CTIF: variants seen among roughly 807,000 people sequenced by gnomAD.
CTIF encodes the protein CBP80/20-dependent translation initiation factor.
A neutral mutation model predicts 66.0 loss-of-function variants in CTIF; 21 were observed. The ratio of observed to expected loss-of-function variants is 0.32; its 90% CI spans 0.23 to 0.46. CTIF has a LOEUF of 0.46. CTIF is among the 20% of genes least tolerant of loss of function. The probability of loss-of-function intolerance (pLI) is 1.00; values close to 1 mark genes in which losing one functional copy is unlikely to be tolerated. For missense variants in CTIF, 739 were observed against 812.7 expected (o/e 0.91, Z 1.10); for synonymous variants, 345 against 326.4 (o/e 1.06, Z -0.62).
At chr18:48,735,096 CGTGT>C (rs34150644) in intron 7 of CTIF, among the ~76,000 whole-genome samples, 3 of 149,822 alleles carry the variant, frequency 2.0e-5, no homozygotes, top group East Asian at 2.0e-4. Context: ...AGTTTGTGTG[CGTGT>C]GTGTGTGTGT....
At chr18:48,736,366 C>T (rs879090624) in intron 7 of CTIF, among the ~76,000 whole-genome samples, 1 of 152,190 alleles carries the variant, frequency 6.6e-6, no homozygotes, top group Non-Finnish European at 1.5e-5. Flanking sequence ...ACCACCATGT[C>T]TCTGGGGTTT....
chr18:48,797,829 CTCCAGATG>C (rs1347270383), intron 9 of CTIF, among the ~76,000 whole-genome samples: 1 of 148,126 alleles, frequency 6.8e-6, no homozygotes, highest in East Asian at 1.9e-4. Context: ...CTAACCTATT[CTCCAGATG>C]CAGCTCAGCA....
intron 9 of CTIF, among the ~76,000 whole-genome samples, chr18:48,812,572 C>A (rs528013989): frequency 6.6e-6 from 1 of 152,046 alleles, no homozygotes; most frequent in Non-Finnish European, 1.5e-5. Flanking sequence ...GCGGGGGCAA[C>A]GTAGACCTTG....
At chr18:48,633,935 G>A (rs560909044) in intron 2 of CTIF, among the ~76,000 whole-genome samples, 102 of 152,174 alleles carry the variant, frequency 6.7e-4, no homozygotes, top group South Asian at 2.3e-3. Context: ...TCAGAAGCAG[G>A]AAATTAACAT....
chr18:48,753,145 C>G (rs964865606), intron 7 of CTIF, among the ~76,000 whole-genome samples: 1 of 152,190 alleles, frequency 6.6e-6, no homozygotes, highest in African/African-American at 2.4e-5. Context: ...GTGGAGGTGC[C>G]TACGCTGGTA....
chr18:48,751,333 A>G (rs1907788360), intron 7 of CTIF, among the ~76,000 whole-genome samples: 1 of 152,214 alleles, frequency 6.6e-6, no homozygotes, highest in African/African-American at 2.4e-5. Flanking sequence ...AGGCCAGAGT[A>G]GAACATAGGC....
In CTIF at chr18:48,642,541, G is replaced by A. The variant is rs9945130; in HGVS notation, c.252+5856G>A. Among the ~76,000 whole-genome samples the A allele has an allele frequency of 4.4e-3, 669 of 152,284 alleles. 9 individuals are homozygous for A. The highest frequency in any genetic ancestry group is 0.015 in the African/African-American group (642 of 41,550). ...TCATATTGGGTGTTACTCAAGTGGG[G>A]GGCTGAGAATGGTGAATGCAGAGGG... On this transcript the variant is annotated intron_variant, in intron 3 of 11. Transcript: ENST00000256413.
intron 1 of CTIF, among the ~76,000 whole-genome samples, chr18:48,610,374 A>AGCCCACCTGGAT (rs370162038): frequency 0.51 from 72,529 of 141,160 alleles, 22,555 homozygotes; most frequent in East Asian, 0.78. Context: ...CACGTCACAG[A>AGCCCACCTGGAT]GCCCACCTGG....
intron 7 of CTIF, among the ~76,000 whole-genome samples, chr18:48,740,540 C>T (rs913737336): frequency 5.3e-5 from 8 of 152,364 alleles, no homozygotes; most frequent in African/African-American, 1.9e-4. Flanking sequence ...CTGCTCTTAG[C>T]AGAATGGTCA....
intron 3 of CTIF, among the ~76,000 whole-genome samples, chr18:48,657,605 C>A (rs1246571144): frequency 6.6e-6 from 1 of 152,006 alleles, no homozygotes; most frequent in Non-Finnish European, 1.5e-5. Flanking sequence ...CAGCTCTGCA[C>A]GGGAGTGTGC....
intron 10 of CTIF, among the ~76,000 whole-genome samples, chr18:48,834,526 T>C (rs1422622045): frequency 6.6e-6 from 1 of 152,246 alleles, no homozygotes; most frequent in Non-Finnish European, 1.5e-5. Flanking sequence ...CCAGATGGTT[T>C]CAATGCACAT....
chr18:48,846,157 A>C (rs1249707196), intron 10 of CTIF, among the ~76,000 whole-genome samples: 5 of 152,242 alleles, frequency 3.3e-5, no homozygotes, highest in African/African-American at 4.8e-5. Context: ...TGCCTTCTTT[A>C]TAAGCACATT....
chr18:48,634,049 C>G (rs954828506), intron 2 of CTIF, among the ~76,000 whole-genome samples: 2 of 152,188 alleles, frequency 1.3e-5, no homozygotes, highest in Non-Finnish European at 1.5e-5. Flanking sequence ...ATTGCCACAT[C>G]TCCTCTTTCC....
At chr18:48,720,698 T>C (rs368095074) in intron 7 of CTIF, among the ~76,000 whole-genome samples, 22 of 152,126 alleles carry the variant, frequency 1.4e-4, no homozygotes, top group Non-Finnish European at 2.9e-4. Flanking sequence ...AAGCCAGATG[T>C]CCAGGTCCAT....
At chr18:48,646,414 A>T (rs1400998997) in intron 3 of CTIF, among the ~76,000 whole-genome samples, 5 of 150,236 alleles carry the variant, frequency 3.3e-5, no homozygotes, top group East Asian at 2.0e-4. Context: ...AATTTTTTTT[A>T]AAGTGACAAT....
chr18:48,675,305 G>A (rs1212551328), intron 6 of CTIF, among the ~76,000 whole-genome samples: 1 of 152,196 alleles, frequency 6.6e-6, no homozygotes, highest in Non-Finnish European at 1.5e-5. Context: ...CAGTGTTGTG[G>A]GCAGCCCAGG....
chr18:48,778,499 C>T (rs1002916862), intron 9 of CTIF, among the ~76,000 whole-genome samples: 15 of 152,166 alleles, frequency 9.9e-5, no homozygotes, highest in Admixed American at 7.9e-4. Flanking sequence ...GGACTCTCAT[C>T]CGGGGTTTGT....
chr18:48,813,876 C>T (rs949606597), intron 9 of CTIF, among the ~76,000 whole-genome samples: 6 of 152,204 alleles, frequency 3.9e-5, no homozygotes, highest in African/African-American at 1.2e-4. Flanking sequence ...TGCACTGCCC[C>T]GAATCTCCAA....
At chr18:48,576,649 C>G (rs533231788) in intron 1 of CTIF, among the ~76,000 whole-genome samples, 1 of 152,308 alleles carries the variant, frequency 6.6e-6, no homozygotes, top group Non-Finnish European at 1.5e-5. Context: ...TAAGTCTCTC[C>G]GTAATACCAA....
Sources: allele counts gnomAD v4.1 joint callset (sites outside exome capture counted in the v4.1 genomes callset), GRCh38; gene constraint gnomAD v4.1.1; transcripts MANE v1.5; gene names NCBI Gene and HGNC (gene_info 2026-07-23, HGNC 2026-07-21).